The following GABRB3 variants were observed in gnomAD, a reference collection of about 807,000 sequenced individuals.
The protein encoded by GABRB3 is gamma-aminobutyric acid receptor subunit beta-3.
In GABRB3, 14 loss-of-function variants were observed where a neutral mutation model predicts 52.1. The ratio of observed to expected loss-of-function variants is 0.27; its 90% CI spans 0.18 to 0.42. GABRB3 has a LOEUF of 0.42. Ranked by LOEUF, GABRB3 falls within the 10% of genes least tolerant of loss-of-function variation. The probability of loss-of-function intolerance (pLI) is 1.00; values close to 1 mark genes in which losing one functional copy is unlikely to be tolerated. For synonymous variants in GABRB3, 260 were observed against 232.3 expected (o/e 1.12, Z -1.08); for missense variants, 307 against 609.1 (o/e 0.50, Z 5.22).
In GABRB3 at chr15:26,630,023, G is replaced by A. The variant is rs185130618; in HGVS notation, c.241-8489C>T. 2.6e-5 allele frequency among the ~76,000 whole-genome samples: 4 copies of A among 152,068 alleles called. No homozygotes were observed. In the East Asian group the frequency reaches 7.8e-4, roughly 30 times the overall value. ...AGGCAATGAGAGGTCCTGGCACCCC[G>A]CAACCCTCCACGACCTCTGCCACCC... On this transcript the variant is annotated intron_variant, in intron 3 of 8. Transcript: ENST00000311550.
At chr15:26,759,668 T>C (rs562504838) in intron 3 of GABRB3, among the ~76,000 whole-genome samples, 12 of 152,364 alleles carry the variant, frequency 7.9e-5, no homozygotes, top group African/African-American at 2.6e-4. Flanking sequence ...CTGCAGACGA[T>C]ACTGACCACA....
At chr15:26,703,332 C>G (rs1041344655) in intron 3 of GABRB3, among the ~76,000 whole-genome samples, 1 of 152,118 alleles carries the variant, frequency 6.6e-6, no homozygotes, top group Non-Finnish European at 1.5e-5. Context: ...CAGTCAAGAC[C>G]GTTTGCAAGG....
chr15:26,576,841 A>G (rs780404280), intron 6 of GABRB3, among the ~76,000 whole-genome samples: 32 of 152,144 alleles, frequency 2.1e-4, no homozygotes, highest in Non-Finnish European at 3.4e-4. Flanking sequence ...TTTGCTCAAG[A>G]TGTACAGATA....
intron 3 of GABRB3, among the ~76,000 whole-genome samples, chr15:26,723,569 G>A (rs1172564657): frequency 6.6e-6 from 1 of 152,150 alleles, no homozygotes; most frequent in Non-Finnish European, 1.5e-5. Context: ...CCCATGGGTG[G>A]GAAGTGCAGC....
At position 26,634,995 on chromosome 15, in the gene GABRB3, TATATATATATATATA is replaced by T. The variant is rs1416693224; in HGVS notation, c.241-13476_241-13462del. 0.011 allele frequency among the ~76,000 whole-genome samples: 56 copies of T among 5,080 alleles called. 3 individuals are homozygous for T. The East Asian group carries it at 0.57, about 52-fold the overall frequency. The allele number at this position is 5,080 out of a possible 152,430, so 3.3% of individuals were successfully genotyped here. On this transcript the variant is annotated intron_variant, in intron 3 of 8. Transcript: ENST00000311550. ...ATATATGTATCTCTAAATATATATA[TATATATATATATATA>T]ATATATATATATTTAGAGAGGAAGA...
At chr15:26,722,182 A>G (rs1415927933) in intron 3 of GABRB3, among the ~76,000 whole-genome samples, 1 of 152,110 alleles carries the variant, frequency 6.6e-6, no homozygotes, top group Non-Finnish European at 1.5e-5. Flanking sequence ...GCTCATTAGA[A>G]CAACCCGGAG....
intron 4 of GABRB3, among the ~76,000 whole-genome samples, chr15:26,584,398 A>G (rs1457564526): frequency 6.6e-6 from 1 of 152,158 alleles, no homozygotes; most frequent in Admixed American, 6.5e-5. Flanking sequence ...CTACAGATAC[A>G]CTTTGGAACT....
chr15:26,577,070 A>G (rs1890619019), intron 6 of GABRB3, among the ~76,000 whole-genome samples: 1 of 152,174 alleles, frequency 6.6e-6, no homozygotes, highest in Non-Finnish European at 1.5e-5. Context: ...AGCAAGATAG[A>G]CAGGATATGA....
At chr15:26,695,082 T>C (rs1000133990) in intron 3 of GABRB3, among the ~76,000 whole-genome samples, 4 of 152,040 alleles carry the variant, frequency 2.6e-5, no homozygotes, top group African/African-American at 9.7e-5. Context: ...ATAACAAACG[T>C]ATATGTAATG....
In GABRB3 at chr15:26,772,982, A is replaced by G; in HGVS notation, c.-20T>C. On this transcript the variant is annotated 5_prime_UTR_variant, in exon 1 of 9. Transcript: ENST00000311550. ...CCACATCCCTCCGCCGCGCCCCGGC[A>G]CGGGGGAGGGGGCGCCCCGCCGCCG... is the stretch of plus-strand genomic sequence containing the variant. 7.2e-7 allele frequency: 1 copy of G among 1,386,776 alleles called. No individual in the cohort carries two copies. The allele number at this position is 1,386,776 out of a possible 1,614,324, so 85.9% of individuals were successfully genotyped here.
intron 3 of GABRB3, among the ~76,000 whole-genome samples, chr15:26,703,412 TC>T (rs2140684322): frequency 6.6e-6 from 1 of 152,274 alleles, no homozygotes; most frequent in African/African-American, 2.4e-5. Flanking sequence ...CACCTCTTAA[TC>T]CTATCCATTG....
At chr15:26,728,998 C>T (rs1485004780) in intron 3 of GABRB3, among the ~76,000 whole-genome samples, 1 of 152,180 alleles carries the variant, frequency 6.6e-6, no homozygotes, top group Non-Finnish European at 1.5e-5. Context: ...CACCCTTATA[C>T]TGAGTATACG....
At chr15:26,578,879 C>T (rs1234250269) in intron 6 of GABRB3, among the ~76,000 whole-genome samples, 1 of 152,184 alleles carries the variant, frequency 6.6e-6, no homozygotes, top group Admixed American at 6.5e-5. Flanking sequence ...GTTGTGGACA[C>T]TATTTCTTAA....
intron 3 of GABRB3, among the ~76,000 whole-genome samples, chr15:26,638,819 TA>T (rs761725348): frequency 2.6e-5 from 4 of 152,206 alleles, no homozygotes; most frequent in Non-Finnish European, 4.4e-5. Context: ...CAGAAAATTC[TA>T]TTTCCTGAAA....
At chr15:26,656,833 C>G (rs755771268) in intron 3 of GABRB3, among the ~76,000 whole-genome samples, 3 of 152,182 alleles carry the variant, frequency 2.0e-5, no homozygotes, top group Non-Finnish European at 4.4e-5. Flanking sequence ...GGGACCCTGT[C>G]CTAAAACACA....
chr15:26,601,010 G>A (rs552323214), intron 4 of GABRB3, among the ~76,000 whole-genome samples: 19 of 152,248 alleles, frequency 1.2e-4, no homozygotes, highest in African/African-American at 3.1e-4. Flanking sequence ...GTGTACAGTC[G>A]TATGTAATCA....
chr15:26,649,657 G>A (rs1677812509), intron 3 of GABRB3, among the ~76,000 whole-genome samples: 2 of 27,120 alleles, frequency 7.4e-5, no homozygotes, highest in Admixed American at 2.8e-4. Flanking sequence ...CAGAGCCAAG[G>A]CTGTGTGTGT....
At chr15:26,741,251 A>G (rs775696244) in intron 3 of GABRB3, among the ~76,000 whole-genome samples, 1 of 152,150 alleles carries the variant, frequency 6.6e-6, no homozygotes, top group African/African-American at 2.4e-5. Flanking sequence ...TATGATGAAT[A>G]GTTGCTTTCA....
At chr15:26,682,584 G>A (rs1291072881) in intron 3 of GABRB3, among the ~76,000 whole-genome samples, 1 of 152,206 alleles carries the variant, frequency 6.6e-6, no homozygotes, top group Non-Finnish European at 1.5e-5. Context: ...ATGCTGAAAG[G>A]GAATTTGGAG....
Sources: allele counts gnomAD v4.1 joint callset (sites outside exome capture counted in the v4.1 genomes callset), GRCh38; gene constraint gnomAD v4.1.1; transcripts MANE v1.5; gene names NCBI Gene and HGNC (gene_info 2026-07-23, HGNC 2026-07-21).